RAB31: variants seen among roughly 807,000 people sequenced by gnomAD.
The protein encoded by RAB31 is ras-related protein Rab-31.
A neutral mutation model predicts 25.6 loss-of-function variants in RAB31; 21 were observed. That is an observed-to-expected ratio of 0.82 (90% CI 0.58 to 1.18). The LOEUF (loss-of-function observed/expected upper bound fraction) is 1.18. Among genes scored for constraint, RAB31 ranks in the 50% most tolerant of loss-of-function variants. The probability of loss-of-function intolerance (pLI) is 0.00; values close to 1 mark genes in which losing one functional copy is unlikely to be tolerated. For synonymous variants in RAB31, 87 were observed against 84.0 expected, an observed-to-expected ratio of 1.04 and a Z score of -0.20; for missense variants, 196 against 250.1, an observed-to-expected ratio of 0.78 and a Z score of 1.46.
chr18:9,720,010 CTGGAG>C (rs1303495826), intron 1 of RAB31, among the ~76,000 whole-genome samples: 14 of 151,940 alleles, frequency 9.2e-5, no homozygotes, highest in African/African-American at 3.4e-4. Context: ...GTCACCCAGG[CTGGAG>C]TGCAGTGGCA....
intron 3 of RAB31, among the ~76,000 whole-genome samples, chr18:9,802,508 C>T (rs565572310): frequency 2.0e-5 from 3 of 152,290 alleles, no homozygotes; most frequent in African/African-American, 7.2e-5. Flanking sequence ...GACCCTGTCT[C>T]TACAAAAAAT....
At chr18:9,760,249 C>G (rs1246171588) in intron 1 of RAB31, among the ~76,000 whole-genome samples, 1 of 151,812 alleles carries the variant, frequency 6.6e-6, no homozygotes, top group Non-Finnish European at 1.5e-5. Context: ...TCACAGCTCA[C>G]TGCAGCCTCG....
At chr18:9,793,388 C>T (rs1306070278) in intron 3 of RAB31, among the ~76,000 whole-genome samples, 2 of 152,080 alleles carry the variant, frequency 1.3e-5, no homozygotes, top group South Asian at 2.1e-4. Context: ...TGAGGCCGGA[C>T]GCGGTGGCTC....
intron 3 of RAB31, among the ~76,000 whole-genome samples, chr18:9,800,448 TC>T (rs966472190): frequency 1.1e-4 from 16 of 152,214 alleles, no homozygotes; most frequent in Middle Eastern, 3.2e-3. Flanking sequence ...ATATATTTAT[TC>T]CTTCCTCTTG....
At chr18:9,847,941 C>T (rs2068769872) in intron 6 of RAB31, among the ~76,000 whole-genome samples, 1 of 152,026 alleles carries the variant, frequency 6.6e-6, no homozygotes, top group Non-Finnish European at 1.5e-5. Context: ...GGACTTTGAA[C>T]AGGTTAATTC....
chr18:9,850,191 G>C (rs1243485490), intron 6 of RAB31, among the ~76,000 whole-genome samples: 1 of 152,220 alleles, frequency 6.6e-6, no homozygotes, highest in Non-Finnish European at 1.5e-5. Flanking sequence ...GAATGAGGAG[G>C]ATTGGCATAG....
rs901626637 is a variant in RAB31 at position 9,766,567 on chromosome 18, T to A, written c.40-8711T>A. ...ACTTCTGCCTGTTTCTCTCTTTATG[T>A]TATTTCTTTATGCCCACAAGGTCTG... On this transcript the variant is annotated intron_variant, in intron 1 of 6. Coordinates refer to ENST00000578921, the MANE Select transcript of RAB31 (RefSeq NM_006868.4). This position sits in a 1 kb window ranked among gnomAD's most constrained non-coding sequence, Gnocchi z 4.3. Among the ~76,000 whole-genome samples, 1 of 152,202 alleles carries A rather than the reference T, an allele frequency of 6.6e-6. No individual in the cohort carries two copies. The highest frequency in any genetic ancestry group is 2.4e-5 in the African/African-American group (1 of 41,448).
At chr18:9,770,176 T>G (rs995153652) in intron 1 of RAB31, among the ~76,000 whole-genome samples, 6 of 152,166 alleles carry the variant, frequency 3.9e-5, no homozygotes, top group African/African-American at 1.4e-4. Context: ...TCTGCCAGGT[T>G]TTGGTATCAG....
intron 1 of RAB31, among the ~76,000 whole-genome samples, chr18:9,731,993 T>C (rs1353337395): frequency 6.6e-6 from 1 of 152,214 alleles, no homozygotes; most frequent in Non-Finnish European, 1.5e-5. Flanking sequence ...AAAGGTAGGC[T>C]TGCATTTTTC....
At chr18:9,773,962 T>C (rs551486372) in intron 1 of RAB31, among the ~76,000 whole-genome samples, 1 of 152,328 alleles carries the variant, frequency 6.6e-6, no homozygotes, top group South Asian at 2.1e-4. Context: ...CACCTAGCCA[T>C]ATTTTAAATT....
chr18:9,836,308 A>G (rs1424086951), intron 5 of RAB31, among the ~76,000 whole-genome samples: 1 of 152,200 alleles, frequency 6.6e-6, no homozygotes, highest in Non-Finnish European at 1.5e-5. Context: ...GTATTTTAGA[A>G]CTATAATATG....
intron 4 of RAB31, among the ~76,000 whole-genome samples, 170 bp from the exon 5 acceptor site, chr18:9,814,946 A>G (rs1232010595): frequency 6.6e-6 from 1 of 152,166 alleles, no homozygotes; most frequent in Non-Finnish European, 1.5e-5. Context: ...CTATTTAAGT[A>G]TATTTCAGCT....
chr18:9,791,926 CTTTGT>C (rs374081823), intron 2 of RAB31, among the ~76,000 whole-genome samples: 2 of 151,774 alleles, frequency 1.3e-5, no homozygotes, highest in African/African-American at 2.4e-5. Context: ...TGAATGCCTC[CTTTGT>C]TTTGTTTTGT....
chr18:9,748,249 C>T (rs2068215383), intron 1 of RAB31, among the ~76,000 whole-genome samples: 1 of 152,164 alleles, frequency 6.6e-6, no homozygotes, highest in South Asian at 2.1e-4. Flanking sequence ...GTAATCTCAG[C>T]ACCTTGGGAG....
intron 2 of RAB31, among the ~76,000 whole-genome samples, chr18:9,775,569 G>A (rs6506699): frequency 0.58 from 88,581 of 151,450 alleles, 26,838 homozygotes; most frequent in African/African-American, 0.76. Flanking sequence ...TTCCTAGTCA[G>A]CCTTCCTCAT....
rs1476480679 is a variant in RAB31, at chr18:9,860,817, G to C, written c.*1492G>C. The C allele has an allele frequency of 2.0e-5, 3 of 152,146 alleles. No homozygotes were observed. Among genetic ancestry groups the C allele is most frequent in the African/African-American group, 7.2e-5 (3 of 41,436 alleles). The allele number at this position is 152,146 out of a possible 1,614,324, so 9.4% of individuals were successfully genotyped here. A position where few individuals can be genotyped will look rare whatever the true frequency, so the allele number is the denominator to read the frequency against. ...TCAGGAAAGAGGTTGTGAGCTGATT[G>C]GATTAAAGACCTGGCACTTCAGTAA... On this transcript the variant is annotated 3_prime_UTR_variant, in exon 7 of 7. Coordinates refer to ENST00000578921, the MANE Select transcript of RAB31 (RefSeq NM_006868.4).
intron 1 of RAB31, among the ~76,000 whole-genome samples, chr18:9,711,786 G>A (rs1000961219): frequency 2.6e-5 from 4 of 152,180 alleles, no homozygotes; most frequent in Non-Finnish European, 5.9e-5. Flanking sequence ...ACTTTCTGTC[G>A]GGTTTCCCTT....
At chr18:9,709,926 T>C (rs968708440) in intron 1 of RAB31, among the ~76,000 whole-genome samples, 2 of 152,186 alleles carry the variant, frequency 1.3e-5, no homozygotes, top group East Asian at 3.8e-4. Flanking sequence ...TTAGAAGGAA[T>C]GTCGTGTTCC....
intron 6 of RAB31, among the ~76,000 whole-genome samples, chr18:9,846,534 TGAA>T (rs1180353336): frequency 6.6e-6 from 1 of 152,198 alleles, no homozygotes; most frequent in African/African-American, 2.4e-5. Context: ...ATACTGGCCC[TGAA>T]GTTCCTGGAA....
Sources: allele counts gnomAD v4.1 joint callset (sites outside exome capture counted in the v4.1 genomes callset), GRCh38; gene constraint gnomAD v4.1.1; non-coding constraint Gnocchi (gnomAD v3.1); transcripts MANE v1.5; gene names NCBI Gene and HGNC (gene_info 2026-07-23, HGNC 2026-07-21).